The following SH3GL2 variants were observed in gnomAD, a reference collection of about 807,000 sequenced individuals.
The protein encoded by SH3GL2 is endophilin-A1.
A neutral mutation model predicts 46.0 loss-of-function variants in SH3GL2; 24 were observed. That is an observed-to-expected ratio of 0.52 (90% CI 0.38 to 0.73). SH3GL2 has a LOEUF of 0.73. Ranked by LOEUF, SH3GL2 falls within the 30% of genes least tolerant of loss-of-function variation. The pLI is 0.00. For synonymous variants in SH3GL2, 196 were observed against 147.1 expected, an observed-to-expected ratio of 1.33 and a Z score of -2.40; for missense variants, 413 against 424.2, an observed-to-expected ratio of 0.97 and a Z score of 0.23.
chr9:17,667,631 A>G (rs1001401005), intron 1 of SH3GL2, among the ~76,000 whole-genome samples: 5 of 152,196 alleles, frequency 3.3e-5, no homozygotes, highest in Non-Finnish European at 5.9e-5. Flanking sequence ...CCTTGTGTGC[A>G]CGTTTTTGTG....
rs756614697 is a variant in SH3GL2 at position 17,787,368 on chromosome 9, A to G, written c.332-12A>G. On this transcript the variant is annotated splice_polypyrimidine_tract_variant and intron_variant, in intron 4 of 8. Coordinates refer to ENST00000380607, the MANE Select transcript of SH3GL2 (RefSeq NM_003026.5). The stretch of plus-strand genomic sequence containing the variant: ...TTATTCTGTAACATGAAAGAGCTTT[A>G]TTCTCTCCTAGGCCCAGCACTTGGT... 1.4e-5 allele frequency: 22 copies of G among 1,607,574 alleles called. No homozygotes were observed. The highest frequency in any genetic ancestry group is 1.7e-5 in the Non-Finnish European group (20 of 1,177,302).
chr9:17,643,993 T>G (rs2134649611), intron 1 of SH3GL2, among the ~76,000 whole-genome samples: 1 of 152,348 alleles, frequency 6.6e-6, no homozygotes, highest in East Asian at 1.9e-4. Context: ...GGCTATTAAT[T>G]ACTGCCTCAA....
chr9:17,646,806 G>T (rs781063474), intron 1 of SH3GL2, among the ~76,000 whole-genome samples: 4 of 152,202 alleles, frequency 2.6e-5, no homozygotes, highest in Non-Finnish European at 2.9e-5. Context: ...TGAGATGTCT[G>T]TCGACCCCTG....
rs530659370 is a variant in SH3GL2 at position 17,767,163 on chromosome 9, G to C, written c.187+5654G>C. Among the ~76,000 whole-genome samples the C allele has an allele frequency of 2.6e-5, 4 of 152,308 alleles. No homozygotes were observed. In the South Asian group the frequency reaches 6.2e-4, roughly 24 times the overall value. On this transcript the variant is annotated intron_variant, in intron 3 of 8. Transcript: ENST00000380607. ...AAAATGTTGTACACAGTAGGGGTTT[G>C]TTTCTCTATGGAAATGCTTTTCCCT...
intron 1 of SH3GL2, among the ~76,000 whole-genome samples, chr9:17,616,841 T>G (rs1320424312): frequency 6.6e-6 from 1 of 152,212 alleles, no homozygotes; most frequent in Non-Finnish European, 1.5e-5. Context: ...TGCACTTATT[T>G]GTTACTTTTA....
In SH3GL2 at chr9:17,606,259, A is replaced by G. The variant is rs142689204; in HGVS notation, c.45+26972A>G. The stretch of plus-strand genomic sequence containing the variant: ...AGGCACCCACCACCACACCCAGCTA[A>G]TTTTTGGAGTTTTAATAGAGACGAG... On this transcript the variant is annotated intron_variant, in intron 1 of 8. Transcript: ENST00000380607. 3.3e-3 allele frequency among the ~76,000 whole-genome samples: 499 copies of G among 152,098 alleles called. 5 individuals carry two copies. Among genetic ancestry groups the G allele is most frequent in the African/African-American group, 0.012 (479 of 41,494 alleles).
At chr9:17,666,171 G>A (rs370799917) in intron 1 of SH3GL2, among the ~76,000 whole-genome samples, 30 of 151,958 alleles carry the variant, frequency 2.0e-4, no homozygotes, top group African/African-American at 6.0e-4. Context: ...TGTAGTCAAA[G>A]TACTGCATTC....
chr9:17,679,039 G>A (rs113315345), intron 1 of SH3GL2, among the ~76,000 whole-genome samples: 15,332 of 152,112 alleles, frequency 0.1, 985 homozygotes, highest in Admixed American at 0.18. Context: ...CTGTAGCCTT[G>A]TAGTATAGTT....
chr9:17,736,115 A>C (rs192776889), intron 1 of SH3GL2, among the ~76,000 whole-genome samples: 3 of 152,218 alleles, frequency 2.0e-5, no homozygotes. Context: ...TAGCCTTCTT[A>C]AGCAATGATG....
chr9:17,624,337 C>T (rs991100182), intron 1 of SH3GL2, among the ~76,000 whole-genome samples: 1 of 152,170 alleles, frequency 6.6e-6, no homozygotes, highest in African/African-American at 2.4e-5. Context: ...TGGGGAGCTA[C>T]TGTAAGGTCA....
chr9:17,754,869 C>T (rs1822943925), intron 2 of SH3GL2, among the ~76,000 whole-genome samples: 1 of 152,082 alleles, frequency 6.6e-6, no homozygotes, highest in African/African-American at 2.4e-5. Flanking sequence ...TCTTTATCAG[C>T]TTAAGAATCT....
rs762920242 is a variant in SH3GL2, at chr9:17,614,295, G to GGAAAAAAAAA, written c.45+35008_45+35009insGAAAAAAAAA. Among the ~76,000 whole-genome samples the GGAAAAAAAAA allele has an allele frequency of 4.0e-4, 28 of 70,300 alleles. 1 individual carries two copies. The highest frequency in any genetic ancestry group is 3.6e-3 in the East Asian group (7 of 1,918). 46.1% of individuals were successfully genotyped at this position (70,300 alleles called of 152,430 possible). ...GTGACAGGGAACATGCATGGTTTCTGAAAAAAAAAAAAAAAAAAAAAAAAA... is the reference window on the plus strand; with the variant it reads ...GTGACAGGGAACATGCATGGTTTCTGGAAAAAAAAAAAAAAAAAAAAAAAAAAAAAAAAAA... On this transcript the variant is annotated intron_variant, in intron 1 of 8. Coordinates refer to ENST00000380607, the MANE Select transcript of SH3GL2 (RefSeq NM_003026.5).
At chr9:17,631,191 C>G (rs1210884419) in intron 1 of SH3GL2, among the ~76,000 whole-genome samples, 1 of 152,186 alleles carries the variant, frequency 6.6e-6, no homozygotes, top group Non-Finnish European at 1.5e-5. Context: ...CATTTGTAGG[C>G]TTGTTTCATC....
intron 1 of SH3GL2, among the ~76,000 whole-genome samples, chr9:17,744,196 T>G (rs970454411): frequency 6.6e-6 from 1 of 152,148 alleles, no homozygotes; most frequent in Non-Finnish European, 1.5e-5. Context: ...AAGAGGGGAC[T>G]GACATGTGAG....
At chr9:17,689,928 C>T (rs1821028538) in intron 1 of SH3GL2, among the ~76,000 whole-genome samples, 1 of 151,998 alleles carries the variant, frequency 6.6e-6, no homozygotes, top group South Asian at 2.1e-4. Context: ...CTGTTTGTTC[C>T]TCTGTCTGTA....
chr9:17,738,544 A>AT (rs869158464), intron 1 of SH3GL2, among the ~76,000 whole-genome samples: 2 of 77,260 alleles, frequency 2.6e-5, no homozygotes, highest in African/African-American at 4.3e-5. Context: ...ATATATACAT[A>AT]AGTGTGTGTG....
intron 3 of SH3GL2, among the ~76,000 whole-genome samples, chr9:17,779,776 C>G (rs1270212660): frequency 2.0e-5 from 3 of 152,258 alleles, no homozygotes; most frequent in Non-Finnish European, 2.9e-5. Flanking sequence ...TTCTTTACCC[C>G]CCACCACCAT....
At chr9:17,653,822 AAGAC>A in intron 1 of SH3GL2, 1 of 960,316 alleles carries the variant, frequency 1.0e-6, no homozygotes, top group Non-Finnish European at 1.2e-6. Context: ...ATCAAAGAAG[AAGAC>A]AGATACTGCC....
chr9:17,672,291 CA>C (rs1820494631), intron 1 of SH3GL2, among the ~76,000 whole-genome samples: 1 of 152,120 alleles, frequency 6.6e-6, no homozygotes, highest in South Asian at 2.1e-4. Flanking sequence ...CAACCAAACA[CA>C]CAATATCATA....
Sources: allele counts gnomAD v4.1 joint callset (sites outside exome capture counted in the v4.1 genomes callset), GRCh38; gene constraint gnomAD v4.1.1; transcripts MANE v1.5; gene names NCBI Gene and HGNC (gene_info 2026-07-23, HGNC 2026-07-21).